Variants in AGBL4 observed in about 807,000 individuals in gnomAD.
AGBL4 encodes the protein AGBL carboxypeptidase 4.
AGBL4 carries 58 observed loss-of-function variants against 66.4 expected under a neutral mutation model. The ratio of observed to expected loss-of-function variants is 0.87; its 90% CI spans 0.71 to 1.09. AGBL4 has a LOEUF of 1.09. Ranked by LOEUF, AGBL4 falls within the 50% of genes least tolerant of loss-of-function variation. AGBL4 has a pLI of 0.00. For missense variants in AGBL4, 579 were observed against 631.0 expected (o/e 0.92, Z 0.88); for synonymous variants, 234 against 222.9 (o/e 1.05, Z -0.44).
intron 6 of AGBL4, among the ~76,000 whole-genome samples, chr1:48,788,505 G>A (rs1024601409): frequency 1.3e-5 from 2 of 152,292 alleles, no homozygotes; most frequent in East Asian, 3.9e-4. Flanking sequence ...AGTTGAGTTT[G>A]GGGTTTTATT....
chr1:49,795,040 G>A (rs769523318), intron 2 of AGBL4, among the ~76,000 whole-genome samples: 4 of 151,776 alleles, frequency 2.6e-5, no homozygotes, highest in South Asian at 2.1e-4. Flanking sequence ...ATAGCAATAC[G>A]AAGATAGGGA....
intron 7 of AGBL4, among the ~76,000 whole-genome samples, chr1:48,658,631 C>T (rs1646056892): frequency 6.6e-6 from 1 of 152,190 alleles, no homozygotes; most frequent in Non-Finnish European, 1.5e-5. Flanking sequence ...AAGTGAAAGG[C>T]CCCGTCACAA....
intron 9 of AGBL4, among the ~76,000 whole-genome samples, chr1:48,618,736 C>T (rs1645360403): frequency 6.6e-6 from 1 of 152,154 alleles, no homozygotes; most frequent in African/African-American, 2.4e-5. Context: ...TTAGCCAGCC[C>T]CTCTTAAGAT....
chr1:49,715,738 T>C (rs1010299910), intron 2 of AGBL4, among the ~76,000 whole-genome samples: 1 of 152,202 alleles, frequency 6.6e-6, no homozygotes, highest in African/African-American at 2.4e-5. Context: ...CATATATTTG[T>C]TAGCCACACA....
At chr1:48,679,645 C>T (rs1432587439) in intron 6 of AGBL4, among the ~76,000 whole-genome samples, 1 of 152,234 alleles carries the variant, frequency 6.6e-6, no homozygotes, top group African/African-American at 2.4e-5. Flanking sequence ...GACTCACTTG[C>T]TCCAGGTCAC....
chr1:49,910,663 A>G (rs1363804100), intron 1 of AGBL4, among the ~76,000 whole-genome samples: 1 of 151,944 alleles, frequency 6.6e-6, no homozygotes, highest in Non-Finnish European at 1.5e-5. Context: ...AGAATAAAAA[A>G]AAAAAGAAAA....
intron 3 of AGBL4, among the ~76,000 whole-genome samples, chr1:49,417,884 T>C (rs571540832): frequency 6.6e-6 from 1 of 152,314 alleles, no homozygotes; most frequent in Admixed American, 6.5e-5. Context: ...TTTAGAATTA[T>C]GCATTTCATT....
intron 4 of AGBL4, among the ~76,000 whole-genome samples, chr1:49,236,809 G>A (rs1170940726): frequency 6.6e-6 from 1 of 152,036 alleles, no homozygotes; most frequent in Non-Finnish European, 1.5e-5. Context: ...TATAGTCAGT[G>A]ATATGGTTTG....
At chr1:49,327,448 G>A (rs1645248756) in intron 3 of AGBL4, among the ~76,000 whole-genome samples, 1 of 152,156 alleles carries the variant, frequency 6.6e-6, no homozygotes, top group Non-Finnish European at 1.5e-5. Context: ...ATCAGAGACT[G>A]GGTAATTTAT....
At chr1:48,748,887 G>A (rs531612475) in intron 6 of AGBL4, among the ~76,000 whole-genome samples, 3 of 152,232 alleles carry the variant, frequency 2.0e-5, no homozygotes, top group South Asian at 4.2e-4. Flanking sequence ...AGCAGGCTTC[G>A]TTGGGCAGAG....
At chr1:48,662,318 G>A (rs929206788) in intron 7 of AGBL4, among the ~76,000 whole-genome samples, 5 of 152,132 alleles carry the variant, frequency 3.3e-5, no homozygotes, top group African/African-American at 1.2e-4. Flanking sequence ...TTACATTTGA[G>A]GCAACTGAAG....
intron 11 of AGBL4, among the ~76,000 whole-genome samples, chr1:48,543,339 C>T (rs1389567653): frequency 2.6e-5 from 4 of 152,132 alleles, no homozygotes; most frequent in Middle Eastern, 3.4e-3. Context: ...AGGGGCATTT[C>T]GGGGAGAAGA....
chr1:49,117,066 T>G (rs1443684051), intron 4 of AGBL4, among the ~76,000 whole-genome samples: 22 of 143,418 alleles, frequency 1.5e-4, no homozygotes, highest in Middle Eastern at 3.6e-3. Flanking sequence ...TTTGATGGGG[T>G]TTTTTTTTTT....
intron 6 of AGBL4, among the ~76,000 whole-genome samples, chr1:48,859,745 T>A (rs929700697): frequency 5.3e-5 from 8 of 152,234 alleles, no homozygotes; most frequent in Non-Finnish European, 1.2e-4. Context: ...TACTTCAGTG[T>A]CACAACTAGT....
At chr1:48,666,708 A>T (rs1428031148) in intron 6 of AGBL4, among the ~76,000 whole-genome samples, 3 of 152,234 alleles carry the variant, frequency 2.0e-5, no homozygotes, top group African/African-American at 7.2e-5. Flanking sequence ...CTTACAGCTA[A>T]TTTGGCAGAG....
chr1:49,390,412 G>A (rs1013609351), intron 3 of AGBL4, among the ~76,000 whole-genome samples: 2 of 152,140 alleles, frequency 1.3e-5, no homozygotes, highest in African/African-American at 2.4e-5. Flanking sequence ...AAGAACAATG[G>A]ATTACAGGGC....
At chr1:48,751,776 G>T (rs1253884782) in intron 6 of AGBL4, among the ~76,000 whole-genome samples, 1 of 152,234 alleles carries the variant, frequency 6.6e-6, no homozygotes, top group Non-Finnish European at 1.5e-5. Flanking sequence ...TACCTAGGCA[G>T]TTGTTAGAAA....
At chr1:49,897,551 A>G (rs1244448772) in intron 1 of AGBL4, among the ~76,000 whole-genome samples, 1 of 152,104 alleles carries the variant, frequency 6.6e-6, no homozygotes, top group Non-Finnish European at 1.5e-5. Flanking sequence ...TACAGATTCA[A>G]TGCAATCCCT....
intron 11 of AGBL4, among the ~76,000 whole-genome samples, chr1:48,545,163 G>A (rs2148271826): frequency 6.6e-6 from 1 of 152,310 alleles, no homozygotes; most frequent in East Asian, 1.9e-4. Flanking sequence ...TAAAGCAACT[G>A]TAGGAGGTAG....
Sources: allele counts gnomAD v4.1 joint callset (sites outside exome capture counted in the v4.1 genomes callset), GRCh38; gene constraint gnomAD v4.1.1; transcripts MANE v1.5; gene names NCBI Gene and HGNC (gene_info 2026-07-23, HGNC 2026-07-21).